DDX18: variants seen among roughly 807,000 people sequenced by gnomAD.
DDX18 encodes DEAD-box helicase 18, also known as ATP-dependent RNA helicase DDX18.
DDX18 carries 23 observed loss-of-function variants against 73.5 expected under a neutral mutation model. That is an observed-to-expected ratio of 0.31 (90% CI 0.23 to 0.44). The LOEUF (loss-of-function observed/expected upper bound fraction) is 0.44. Ranked by LOEUF, DDX18 falls within the 20% of genes least tolerant of loss-of-function variation. The pLI, the probability that DDX18 is intolerant of heterozygous loss-of-function variation, is 1.00. For missense variants in DDX18, 753 were observed against 792.9 expected (o/e 0.95, Z 0.60); for synonymous variants, 268 against 282.7 (o/e 0.95, Z 0.52).
In DDX18 at chr2:117,820,852, A is replaced by G. The variant is rs145842695; in HGVS notation, c.515-309A>G. Among the ~76,000 whole-genome samples the G allele has an allele frequency of 1.6e-3, 246 of 152,178 alleles. 1 individual carries two copies. The highest frequency in any genetic ancestry group is 5.6e-3 in the African/African-American group (234 of 41,536). On this transcript the variant is annotated intron_variant, in intron 3 of 13. Coordinates refer to ENST00000263239, the MANE Select transcript of DDX18 (RefSeq NM_006773.4). ...ATCAGATTTCTTAAACATTTCATTT[A>G]TCTCTGGACTCTCATTATTTTCCTT...
chr2:117,817,463 A>G lies in DDX18; in HGVS notation c.105A>G (p.Leu35=), dbSNP rs777249117. The change falls in exon 2 of 14, where the codon CTA becomes CTG. Residue 35 remains leucine (L), a synonymous_variant. Coordinates refer to ENST00000263239, the MANE Select transcript of DDX18 (RefSeq NM_006773.4). The part of the protein sequence containing the change: ...LKFQGASNLT[L]SETQNGDVSE... ...AAACAGGGGCCTCAAATCTGACCCT[A>G]TCGGAAACTCAAAATGGAGATGTAT... The G allele has an allele frequency of 8.7e-6, 14 of 1,609,846 alleles. No homozygotes were observed. Among genetic ancestry groups the G allele is most frequent in the African/African-American group, 2.7e-5 (2 of 74,480 alleles).
chr2:117,814,743 G>T lies in DDX18; in HGVS notation c.-35G>T, dbSNP rs1047385705. The T allele has an allele frequency of 6.2e-7, 1 of 1,609,150 alleles. No homozygotes were observed. Among genetic ancestry groups the T allele is most frequent in the Non-Finnish European group, 8.5e-7 (1 of 1,175,530 alleles). On this transcript the variant is annotated 5_prime_UTR_variant, in exon 1 of 14. Coordinates refer to ENST00000263239, the MANE Select transcript of DDX18 (RefSeq NM_006773.4). ...AGCCTGAGAACTGAGTAGCTGTACT[G>T]TGTGGCGCCTTATTCTAGGCACTTG...
chr2:117,821,337 T>C, intron 4 of DDX18, 41 bp downstream of exon 4: 1 of 1,572,950 alleles, frequency 6.4e-7, no homozygotes. Context: ...CATCTATTTT[T>C]AGAACTAGTA....
rs1204328360 is a variant in DDX18 at position 117,816,949 on chromosome 2, G to T, written c.86-495G>T. ...CTGTATTTGCATATGATAAATATTG[G>T]AGCAAATAAGTGGTCTTATCAACTG... is the stretch of plus-strand genomic sequence containing the variant. On this transcript the variant is annotated intron_variant, in intron 1 of 13. Transcript: ENST00000263239. 2.6e-5 allele frequency among the ~76,000 whole-genome samples: 4 copies of T among 152,282 alleles called. No homozygotes were observed. In the East Asian group the frequency reaches 5.8e-4, roughly 22 times the overall value.
chr2:117,815,163 G>A (rs1178036697), intron 1 of DDX18: 1 of 356,124 alleles, frequency 2.8e-6, no homozygotes, highest in Non-Finnish European at 5.2e-6. Flanking sequence ...TTCCACCTTA[G>A]CTTTTGGTTC....
intron 10 of DDX18, chr2:117,825,853 G>C (rs916970831): frequency 8.8e-5 from 39 of 445,308 alleles, no homozygotes; most frequent in African/African-American, 7.6e-4. Flanking sequence ...CTTAAGAACA[G>C]CAGATGCCTG....
rs1032380305 is a variant in DDX18 at position 117,825,081 on chromosome 2, T to G, written c.1348T>G (p.Leu450Val). ...CTATGAGTTGCTGAACTACATTGAT[T>G]TGCCCGTCTTGGCCATTCATGTAAG... ...YHYELLNYID[L>V]PVLAIHGKQK... The change falls in exon 9 of 14, where the codon TTG becomes GTG. Residue 450 changes from leucine (L) to valine (V), a missense_variant. Leu to Val is a conservative substitution (Grantham distance 32, BLOSUM62 1). Coordinates refer to ENST00000263239, the MANE Select transcript of DDX18 (RefSeq NM_006773.4). The G allele has an allele frequency of 6.2e-7, 1 of 1,611,494 alleles. No homozygotes were observed. Among genetic ancestry groups the G allele is most frequent in the Non-Finnish European group, 8.5e-7 (1 of 1,179,354 alleles).
intron 3 of DDX18, 140 bp from the exon 4 acceptor site, chr2:117,821,021 A>G: frequency 1.3e-6 from 1 of 761,704 alleles, no homozygotes; most frequent in Non-Finnish European, 2.0e-6. Flanking sequence ...TTTTCTTGAT[A>G]TTATCACATA....
At chr2:117,818,645 A>G (rs899003688) in intron 2 of DDX18, among the ~76,000 whole-genome samples, 4 of 152,108 alleles carry the variant, frequency 2.6e-5, no homozygotes, top group African/African-American at 9.7e-5. Flanking sequence ...TTGAATCACA[A>G]TGCTGGGCGT....
intron 12 of DDX18, 110 bp downstream of exon 12, chr2:117,829,115 T>G: frequency 8.5e-7 from 1 of 1,171,480 alleles, no homozygotes. Context: ...TGTCCTAAAG[T>G]GAGGATCAGG....
At position 117,817,682 on chromosome 2, in the gene DDX18, A is replaced by G. The variant is rs1239977602; in HGVS notation, c.324A>G (p.Lys108=). The G allele has an allele frequency of 6.2e-7, 1 of 1,604,802 alleles. No individual in the cohort carries two copies. The highest frequency in any genetic ancestry group is 1.3e-5 in the African/African-American group (1 of 74,092). Residue 108 remains lysine, a synonymous_variant, in exon 2 of 14, where the codon AAA becomes AAG. Transcript: ENST00000263239. ...TGCAGTCTTCCAATTCAGAATCAAAAAAGAAAAAGAAGAAAAAGAGAAAAA... is the reference window on the plus strand; with the variant it reads ...TGCAGTCTTCCAATTCAGAATCAAAGAAGAAAAAGAAGAAAAAGAGAAAAA... The part of the protein sequence containing the change: ...AAMQSSNSES[K]KKKKKKRKMV...
At chr2:117,817,320 T>A (rs999511827) in intron 1 of DDX18, 124 bp from the exon 2 acceptor site, 37 of 957,812 alleles carry the variant, frequency 3.9e-5, no homozygotes, top group African/African-American at 8.3e-5. Context: ...TTTAATTACA[T>A]GAAAGAGAAG....
chr2:117,822,136 T>C lies in DDX18; in HGVS notation c.952-11T>C, dbSNP rs1558732970. The C allele has an allele frequency of 1.2e-6, 2 of 1,613,914 alleles. No individual in the cohort carries two copies. Among genetic ancestry groups the C allele is most frequent in the Admixed American group, 1.7e-5 (1 of 59,988 alleles). ...CAACTAATGGTTGTTCTTTGTCCTT[T>C]GTTTTGTTAGAATACCCCAGGATTT... is the stretch of plus-strand genomic sequence containing the variant. On this transcript the variant is annotated splice_polypyrimidine_tract_variant and intron_variant, in intron 6 of 13. Coordinates refer to ENST00000263239, the MANE Select transcript of DDX18 (RefSeq NM_006773.4).
rs1680018875 is a variant in DDX18, at chr2:117,831,175, G to A, written c.*451G>A. 6.4e-6 allele frequency: 1 copy of A among 156,010 alleles called. No individual in the cohort carries two copies. Among genetic ancestry groups the A allele is most frequent in the Admixed American group, 6.5e-5 (1 of 15,312 alleles). 9.7% of individuals were successfully genotyped at this position (156,010 alleles called of 1,614,324 possible). On this transcript the variant is annotated 3_prime_UTR_variant, in exon 14 of 14. Transcript: ENST00000263239. ...AGTCTCAGGTTATTTTTTGTTTTTA[G>A]TTATTTCTTGGACCTTGACAGTATC...
chr2:117,830,716 T>G lies in DDX18; in HGVS notation c.2005T>G (p.Ser669Ala), dbSNP rs1204889505. The part of the protein sequence containing the change: ...SKKSSDSRQF[S>A]H ...GAAATCATCTGACAGCAGGCAGTTCTCTCACTGAACACATGCCTTCCTTTC... is the reference window on the plus strand; with the variant it reads ...GAAATCATCTGACAGCAGGCAGTTCGCTCACTGAACACATGCCTTCCTTTC... The change falls in exon 14 of 14, where the codon TCT (serine) becomes GCT (alanine). Residue 669 changes from serine (S) to alanine (A), a missense_variant. This residue lies in a region of DDX18 where 402 missense variants were observed against 419.4 expected (regional missense o/e 0.96). Transcript: ENST00000263239. The G allele has an allele frequency of 6.2e-7, 1 of 1,613,530 alleles. No individual in the cohort carries two copies. Among genetic ancestry groups the G allele is most frequent in the East Asian group, 2.2e-5 (1 of 44,844 alleles).
intron 11 of DDX18, chr2:117,828,168 GGTT>G (rs1338769283): frequency 2.0e-5 from 3 of 152,042 alleles, no homozygotes; most frequent in Non-Finnish European, 4.4e-5. Flanking sequence ...TTTTTGATTG[GGTT>G]GTTTGATTTT....
At chr2:117,815,032 C>G (rs1218312488) in intron 1 of DDX18, 170 bp downstream of exon 1, 4 of 642,432 alleles carry the variant, frequency 6.2e-6, no homozygotes, top group Admixed American at 2.7e-5. Flanking sequence ...CTGCTGCCCA[C>G]TCGTCGCGTG....
Position 117,830,591 on chromosome 2 carries a change from G to A in DDX18, c.1880G>A (p.Ser627Asn), listed in dbSNP as rs1680005911. 6.2e-7 allele frequency: 1 copy of A among 1,613,474 alleles called. No individual in the cohort carries two copies. Among genetic ancestry groups the A allele is most frequent in the Admixed American group, 1.7e-5 (1 of 59,908 alleles). ...VPPFVDLNVN[S>N]NEGKQKKRGG... ...TAATGTTTGCCTCCAGACGTCAACAGTAATGAAGGCAAGCAGAAAAAGCGA... is the reference window on the plus strand; with the variant it reads ...TAATGTTTGCCTCCAGACGTCAACAATAATGAAGGCAAGCAGAAAAAGCGA... Residue 627 changes from serine (S) to asparagine (N), a missense_variant, in exon 14 of 14, where the codon AGT (serine) becomes AAT (asparagine). Physicochemically the swap from Ser to Asn is conservative, Grantham distance 46. This residue lies in a region of DDX18 where 402 missense variants were observed against 419.4 expected (regional missense o/e 0.96). Coordinates refer to ENST00000263239, the MANE Select transcript of DDX18 (RefSeq NM_006773.4).
Position 117,821,225 on chromosome 2 carries a change from A to C in DDX18, c.579A>C (p.Ala193=), listed in dbSNP as rs1679842042. The change falls in exon 4 of 14, where the codon GCA becomes GCC. Residue 193 remains alanine, a synonymous_variant. Coordinates refer to ENST00000263239, the MANE Select transcript of DDX18 (RefSeq NM_006773.4). The part of the protein sequence containing the change: ...CNLVNENTLK[A]IKEMGFTNMT... ...TTGTCAATGAAAACACTCTGAAGGC[A>C]ATAAAAGAAATGGGTTTTACAAACA... The C allele has an allele frequency of 6.2e-7, 1 of 1,612,306 alleles. No homozygotes were observed. Among genetic ancestry groups the C allele is most frequent in the Non-Finnish European group, 8.5e-7 (1 of 1,179,176 alleles).
Sources: gnomAD v4.1 joint callset for allele counts (sites outside exome capture counted in the v4.1 genomes callset) on GRCh38, gnomAD v4.1.1 for gene constraint, gnomAD v4.1.1 regional missense constraint, MANE v1.5 for transcripts, NCBI Gene and HGNC (gene_info 2026-07-23, HGNC 2026-07-21) for gene names.